WDR70: variants seen among roughly 807,000 people sequenced by gnomAD.
WDR70 encodes WD repeat-containing protein 70.
Under a neutral mutation model 88.6 loss-of-function variants are expected in WDR70, and 53 were observed. That is an observed-to-expected ratio of 0.60 (90% CI 0.48 to 0.75). WDR70 has a LOEUF of 0.75. Among genes scored for constraint, WDR70 ranks in the 30% least tolerant of loss-of-function variants. WDR70 has a pLI of 0.00. For synonymous variants in WDR70, 280 were observed against 270.0 expected (o/e 1.04, Z -0.36); for missense variants, 610 against 823.2 (o/e 0.74, Z 3.17).
intron 3 of WDR70, among the ~76,000 whole-genome samples, chr5:37,385,249 G>C (rs866801687): frequency 4.6e-5 from 7 of 152,004 alleles, no homozygotes; most frequent in African/African-American, 1.7e-4. Flanking sequence ...GCTGGGTGCA[G>C]TGGCTCACAC....
intron 5 of WDR70, among the ~76,000 whole-genome samples, 199 bp downstream of exon 5, chr5:37,396,769 T>A (rs1186798198): frequency 1.3e-5 from 2 of 151,996 alleles, no homozygotes; most frequent in Non-Finnish European, 2.9e-5. Context: ...AGGCAGAGGT[T>A]GCAATGAGCC....
chr5:37,575,092 C>T (rs753328523), intron 9 of WDR70, among the ~76,000 whole-genome samples: 22 of 152,168 alleles, frequency 1.4e-4, no homozygotes, highest in Non-Finnish European at 2.5e-4. Context: ...GTGTCCACAG[C>T]GCCCAGAACA....
chr5:37,701,542 C>T (rs997783308), intron 12 of WDR70, among the ~76,000 whole-genome samples: 1 of 152,126 alleles, frequency 6.6e-6, no homozygotes, highest in Non-Finnish European at 1.5e-5. Context: ...GTAATCCCAG[C>T]ACTTTGGGAG....
intron 3 of WDR70, among the ~76,000 whole-genome samples, chr5:37,383,413 C>G (rs1399053506): frequency 6.6e-6 from 1 of 151,862 alleles, no homozygotes; most frequent in South Asian, 2.1e-4. Flanking sequence ...GTGACCACCA[C>G]CACGCCTGGC....
At chr5:37,447,099 A>AAAAC (rs1738508931) in intron 7 of WDR70, among the ~76,000 whole-genome samples, 1 of 152,090 alleles carries the variant, frequency 6.6e-6, no homozygotes. Flanking sequence ...TTACAAGAAA[A>AAAAC]AAACAACCCC....
chr5:37,746,212 A>C (rs990329317), intron 17 of WDR70, among the ~76,000 whole-genome samples: 4 of 152,174 alleles, frequency 2.6e-5, no homozygotes. Context: ...GAAATAAAGA[A>C]GTTCTTTGAA....
At chr5:37,653,311 G>A (rs1225056184) in intron 10 of WDR70, among the ~76,000 whole-genome samples, 6 of 152,146 alleles carry the variant, frequency 3.9e-5, no homozygotes, top group Non-Finnish European at 8.8e-5. Flanking sequence ...TGGTGGATAA[G>A]CTTTTTGATG....
intron 5 of WDR70, among the ~76,000 whole-genome samples, chr5:37,419,944 GC>G (rs1749894296): frequency 6.6e-6 from 1 of 152,056 alleles, no homozygotes; most frequent in Admixed American, 6.6e-5. Context: ...TCACTGTGTT[GC>G]CCAGGCCAGT....
At chr5:37,678,694 C>A (rs1308269368) in intron 10 of WDR70, among the ~76,000 whole-genome samples, 1 of 152,152 alleles carries the variant, frequency 6.6e-6, no homozygotes, top group Admixed American at 6.5e-5. Flanking sequence ...ATTGGTGAAT[C>A]TGACAATTAT....
chr5:37,617,073 C>T (rs1056607974), intron 10 of WDR70, among the ~76,000 whole-genome samples: 48 of 152,126 alleles, frequency 3.2e-4, no homozygotes, highest in Admixed American at 3.1e-3. Context: ...TTACTTTGTT[C>T]CAGGGACCAT....
intron 10 of WDR70, chr5:37,687,767 CAG>C (rs1044527168): frequency 5.0e-6 from 2 of 401,854 alleles, no homozygotes; most frequent in African/African-American, 2.1e-5. Context: ...ATTTCAGAAA[CAG>C]ATTACTTTTT....
chr5:37,651,085 T>C (rs1483610342), intron 10 of WDR70, among the ~76,000 whole-genome samples: 1 of 151,968 alleles, frequency 6.6e-6, no homozygotes, highest in Non-Finnish European at 1.5e-5. Context: ...CTACATTAGG[T>C]ATTTCTCCTA....
At chr5:37,532,349 A>G (rs1741519683) in intron 9 of WDR70, among the ~76,000 whole-genome samples, 1 of 152,192 alleles carries the variant, frequency 6.6e-6, no homozygotes, top group East Asian at 1.9e-4. Context: ...TCCCTCAAAT[A>G]TGTTTTCCAA....
intron 9 of WDR70, among the ~76,000 whole-genome samples, chr5:37,589,475 C>T (rs1381387463): frequency 6.6e-6 from 1 of 152,126 alleles, no homozygotes; most frequent in Non-Finnish European, 1.5e-5. Context: ...ACTGTTTCAC[C>T]TGCAGTGGTT....
intron 5 of WDR70, among the ~76,000 whole-genome samples, chr5:37,420,054 A>G (rs929658268): frequency 1.3e-5 from 2 of 151,768 alleles, no homozygotes; most frequent in African/African-American, 4.8e-5. Flanking sequence ...TTTGTTTTCT[A>G]CCTTAACAGC....
intron 9 of WDR70, among the ~76,000 whole-genome samples, chr5:37,528,945 T>G (rs137994237): frequency 1.4e-3 from 187 of 131,378 alleles, no homozygotes; most frequent in African/African-American, 4.7e-3. Flanking sequence ...GTAGAATCTT[T>G]ATGGTTTCAG....
In WDR70 at chr5:37,658,518, A is replaced by G. The variant is rs541582227; in HGVS notation, c.1093-39137A>G. Among the ~76,000 whole-genome samples the G allele has an allele frequency of 2.6e-5, 4 of 151,952 alleles. No individual in the cohort carries two copies. In the South Asian group the frequency reaches 6.2e-4, roughly 24 times the overall value. On this transcript the variant is annotated intron_variant, in intron 10 of 17. Coordinates refer to ENST00000265107, the MANE Select transcript of WDR70 (RefSeq NM_018034.4). The stretch of plus-strand genomic sequence containing the variant: ...GCGTTGCCTCTTTCCTTGCCTGGCA[A>G]CCTTCTAGTTATCTTTCAAAACCCC...
intron 9 of WDR70, among the ~76,000 whole-genome samples, chr5:37,572,979 C>G (rs921240096): frequency 2.6e-5 from 4 of 152,184 alleles, no homozygotes; most frequent in Non-Finnish European, 5.9e-5. Flanking sequence ...TTTTCCATCT[C>G]TTAGCTTTAG....
chr5:37,405,276 T>C (rs1055637805), intron 5 of WDR70, among the ~76,000 whole-genome samples: 1 of 152,018 alleles, frequency 6.6e-6, no homozygotes, highest in South Asian at 2.1e-4. Flanking sequence ...ACAATAGATA[T>C]GTGTGGAACA....
Sources: gnomAD v4.1 joint callset for allele counts (sites outside exome capture counted in the v4.1 genomes callset) on GRCh38, gnomAD v4.1.1 for gene constraint, MANE v1.5 for transcripts, NCBI Gene and HGNC (gene_info 2026-07-23, HGNC 2026-07-21) for gene names.